The following TRIP11 variants were observed in gnomAD, a reference collection of about 807,000 sequenced individuals.
The protein encoded by TRIP11 is thyroid receptor-interacting protein 11.
In TRIP11, 148 loss-of-function variants were observed where a neutral mutation model predicts 223.1. That is an observed-to-expected ratio of 0.66 (90% confidence interval 0.58 to 0.76). The LOEUF is 0.76. TRIP11 is among the 30% of genes least tolerant of loss of function. The pLI is 0.00. For synonymous variants in TRIP11, 762 were observed against 772.6 expected (o/e 0.99, Z 0.23); for missense variants, 2,043 against 2,222.0 (o/e 0.92, Z 1.62).
rs780332982 is a variant in TRIP11, at chr14:91,988,373, T to C, written c.5171A>G (p.Asp1724Gly). Reference sequence around the variant, plus strand: ...TGAATCCAATGCAGCATTTGCTTCATCCAAACATTCCTGAGAAAGAAAACT... The same window carrying C: ...TGAATCCAATGCAGCATTTGCTTCACCCAAACATTCCTGAGAAAGAAAACT... Reference protein sequence around the residue: ...GKVISLQECLDEANAALDSAS... With the variant: ...GKVISLQECLGEANAALDSAS... Residue 1724 changes from aspartate to glycine, a missense_variant, in exon 16 of 21, where the codon GAT becomes GGT. Physicochemically the swap from Asp to Gly is moderately conservative, Grantham distance 94. Coordinates refer to ENST00000267622, the MANE Select transcript of TRIP11 (RefSeq NM_004239.4). 11 of 1,613,574 alleles carry C rather than the reference T, an allele frequency of 6.8e-6. No homozygotes were observed. In the South Asian group the frequency reaches 1.2e-4, roughly 18 times the overall value.
chr14:91,968,476 A>G lies in TRIP11; in HGVS notation c.*1197T>C, dbSNP rs894841495. 3 of 214,468 alleles carry G rather than the reference A, an allele frequency of 1.4e-5. No individual in the cohort carries two copies. Among genetic ancestry groups the G allele is most frequent in the Non-Finnish European group, 1.9e-5 (2 of 106,196 alleles). 13.3% of individuals were successfully genotyped at this position (214,468 alleles called of 1,614,324 possible). A position where few individuals can be genotyped will look rare whatever the true frequency, so the allele number is the denominator to read the frequency against. On this transcript the variant is annotated 3_prime_UTR_variant, in exon 21 of 21. Transcript: ENST00000267622. ...GTTGACTCTCGGATTGCTGTACCTCATATGTCAACACCGCAGACGGAGGCA... is the reference window on the plus strand; with the variant it reads ...GTTGACTCTCGGATTGCTGTACCTCGTATGTCAACACCGCAGACGGAGGCA...
rs573449086 is a variant in TRIP11, at chr14:91,978,880, C to T, written c.5261-2691G>A. Among the ~76,000 whole-genome samples, 3 of 152,118 alleles carry T rather than the reference C, an allele frequency of 2.0e-5. No homozygotes were observed. Among genetic ancestry groups the T allele is most frequent in the East Asian group, 1.9e-4 (1 of 5,194 alleles). On this transcript the variant is annotated intron_variant, in intron 16 of 20. Coordinates refer to ENST00000267622, the MANE Select transcript of TRIP11 (RefSeq NM_004239.4). This position sits in a 1 kb window ranked among gnomAD's most constrained non-coding sequence, Gnocchi z 4.4. The stretch of plus-strand genomic sequence containing the variant: ...GGCCACTAAAAAATTTAAAATTGCA[C>T]GTGGCTCACAGTATATTCCTACTGG...
chr14:92,026,613 C>G, intron 2 of TRIP11: 1 of 1,247,340 alleles, frequency 8.0e-7, no homozygotes, highest in Non-Finnish European at 1.2e-6. Flanking sequence ...CCACCAAGGA[C>G]TTAAAGGAGA....
chr14:92,037,538 A>G lies in TRIP11; in HGVS notation c.139+2009T>C, dbSNP rs1026883297. Among the ~76,000 whole-genome samples, 21 of 152,266 alleles carry G rather than the reference A, an allele frequency of 1.4e-4. No homozygotes were observed. The highest frequency in any genetic ancestry group is 4.8e-4 in the African/African-American group (20 of 41,472). ...AGAAGCTGTGCGTACAAGCAAGCAT[A>G]TATATGTGCACATGTACAGCAACTG... On this transcript the variant is annotated intron_variant, in intron 1 of 20. Coordinates refer to ENST00000267622, the MANE Select transcript of TRIP11 (RefSeq NM_004239.4). This position sits in a 1 kb window ranked among gnomAD's most constrained non-coding sequence, Gnocchi z 4.2.
intron 19 of TRIP11, 107 bp from the exon 20 acceptor site, chr14:91,972,968 C>T (rs1457257881): frequency 3.1e-6 from 3 of 959,212 alleles, no homozygotes; most frequent in Admixed American, 2.7e-5. Flanking sequence ...ATTAATCATG[C>T]CACTTGAATA....
Position 91,982,653 on chromosome 14 carries a change from A to G in TRIP11, c.5260+5631T>C, listed in dbSNP as rs2056559058. On this transcript the variant is annotated intron_variant, in intron 16 of 20. Coordinates refer to ENST00000267622, the MANE Select transcript of TRIP11 (RefSeq NM_004239.4). ...TTTTAATGAGATATTTCATGAAAAAATTGCAGATATCCAGGGTCTCTTCAA... is the reference window on the plus strand; with the variant it reads ...TTTTAATGAGATATTTCATGAAAAAGTTGCAGATATCCAGGGTCTCTTCAA... 2.6e-5 allele frequency among the ~76,000 whole-genome samples: 4 copies of G among 152,198 alleles called. No homozygotes were observed. In the South Asian group the frequency reaches 8.3e-4, roughly 32 times the overall value.
intron 2 of TRIP11, among the ~76,000 whole-genome samples, chr14:92,027,149 T>C (rs557904210): frequency 1.3e-5 from 2 of 152,118 alleles, no homozygotes; most frequent in Admixed American, 6.6e-5. Context: ...AAATTTGTAT[T>C]TTTTATTTTC....
intron 9 of TRIP11, among the ~76,000 whole-genome samples, chr14:92,009,190 T>A (rs1320026157): frequency 6.6e-6 from 1 of 152,166 alleles, no homozygotes; most frequent in Non-Finnish European, 1.5e-5. Context: ...AGGTACTTTT[T>A]AAAAAAATTA....
chr14:92,033,146 A>G (rs1383522165), intron 2 of TRIP11, 46 bp downstream of exon 2: 2 of 1,442,708 alleles, frequency 1.4e-6, no homozygotes, highest in South Asian at 2.3e-5. Context: ...AGTAACCTTC[A>G]TGACTTCAAA....
intron 5 of TRIP11, among the ~76,000 whole-genome samples, chr14:92,017,443 G>A (rs1181982598): frequency 6.6e-6 from 1 of 152,128 alleles, no homozygotes; most frequent in East Asian, 1.9e-4. Context: ...AGTTACATGG[G>A]AAGCTGAGGC....
intron 17 of TRIP11, among the ~76,000 whole-genome samples, chr14:91,975,780 G>A (rs890407745): frequency 6.6e-6 from 1 of 151,986 alleles, no homozygotes; most frequent in African/African-American, 2.4e-5. Context: ...GCAAGATTAT[G>A]TTCATTTAAG....
chr14:92,014,332 A>C lies in TRIP11; in HGVS notation c.1069T>G (p.Cys357Gly). ...MEECENLKLE[C>G]SKLQPSAVKQ... ...ACAGCAGAAGGCTGCAATTTACTACATTCCAATTTCAAGTTTTCACATTCT... is the reference window on the plus strand; with the variant it reads ...ACAGCAGAAGGCTGCAATTTACTACCTTCCAATTTCAAGTTTTCACATTCT... The change falls in exon 7 of 21, where the codon TGT becomes GGT. Residue 357 changes from cysteine (C) to glycine (G), a missense_variant. Transcript: ENST00000267622. 6.2e-7 allele frequency: 1 copy of C among 1,614,060 alleles called. No homozygotes were observed.
chr14:92,033,114 G>C (rs2057286542), intron 2 of TRIP11, 78 bp downstream of exon 2: 1 of 1,114,280 alleles, frequency 9.0e-7, no homozygotes, highest in Non-Finnish European at 1.4e-6. Context: ...CATTTAAAAA[G>C]AAAGGATCAA....
intron 15 of TRIP11, among the ~76,000 whole-genome samples, chr14:91,991,432 T>A (rs1566850809): frequency 6.6e-6 from 1 of 152,176 alleles, no homozygotes. Context: ...TTCCTACCCA[T>A]CAGATTGTCA....
At chr14:91,977,100 T>A (rs1202754266) in intron 16 of TRIP11, 1 of 349,540 alleles carries the variant, frequency 2.9e-6, no homozygotes, top group African/African-American at 2.2e-5. Context: ...AACATTCACA[T>A]CCAAACGCTA....
At chr14:92,017,137 T>C (rs2057044335) in intron 5 of TRIP11, among the ~76,000 whole-genome samples, 1 of 152,172 alleles carries the variant, frequency 6.6e-6, no homozygotes, top group South Asian at 2.1e-4. Flanking sequence ...CAATAGAGTA[T>C]AGAGACTTAC....
chr14:91,989,036 T>G (rs2056641172), intron 15 of TRIP11, among the ~76,000 whole-genome samples: 1 of 152,244 alleles, frequency 6.6e-6, no homozygotes, highest in East Asian at 1.9e-4. Flanking sequence ...ACATTTTAAA[T>G]ACTATATAGT....
rs2140087077 is a variant in TRIP11 at position 91,978,790 on chromosome 14, T to C, written c.5261-2601A>G. Among the ~76,000 whole-genome samples, 1 of 152,282 alleles carries C rather than the reference T, an allele frequency of 6.6e-6. No homozygotes were observed. Among genetic ancestry groups the C allele is most frequent in the East Asian group, 1.9e-4 (1 of 5,180 alleles). ...TTGGGATTACAAGTGTGAGCCACTG[T>C]GCCTGTCCCTATATAAAACATATTA... On this transcript the variant is annotated intron_variant, in intron 16 of 20. Transcript: ENST00000267622. This position sits in a 1 kb window ranked among gnomAD's most constrained non-coding sequence, Gnocchi z 4.4.
chr14:92,004,175 A>G lies in TRIP11; in HGVS notation c.3801T>C (p.Tyr1267=), dbSNP rs1473652143. ...GCTCATAACTTTGGATCAGGCCAGT[A>G]TAGTCCACTTGTAATTTAGAATTAT... ...SDNNSKLQVD[Y]TGLIQSYEQN... is the part of the protein sequence containing the mutation. Residue 1267 remains tyrosine (Y), a synonymous_variant, in exon 11 of 21, where the codon TAT becomes TAC. Coordinates refer to ENST00000267622, the MANE Select transcript of TRIP11 (RefSeq NM_004239.4). The G allele has an allele frequency of 1.2e-6, 2 of 1,614,196 alleles. No homozygotes were observed. Among genetic ancestry groups the G allele is most frequent in the Non-Finnish European group, 1.7e-6 (2 of 1,180,042 alleles).
Sources: allele counts gnomAD v4.1 joint callset (sites outside exome capture counted in the v4.1 genomes callset), GRCh38; gene constraint gnomAD v4.1.1; non-coding constraint Gnocchi (gnomAD v3.1); transcripts MANE v1.5; gene names NCBI Gene and HGNC (gene_info 2026-07-23, HGNC 2026-07-21).